The following TEKT5 variants were observed in gnomAD, a reference collection of about 807,000 sequenced individuals.
The protein encoded by TEKT5 is tektin-5.
A neutral mutation model predicts 48.7 loss-of-function variants in TEKT5; 52 were observed. The observed-to-expected ratio is 1.07, with a 90% CI of 0.86 to 1.35. TEKT5 has a LOEUF of 1.35. Among genes scored for constraint, TEKT5 ranks in the 40% most tolerant of loss-of-function variants. TEKT5 has a pLI of 0.00. For synonymous variants in TEKT5, 318 were observed against 267.6 expected (o/e 1.19, Z -1.84); for missense variants, 831 against 641.6 (o/e 1.30, Z -3.19).
intron 5 of TEKT5, chr16:10,671,606 GC>G (rs1898549761): frequency 6.6e-6 from 1 of 152,186 alleles, no homozygotes; most frequent in Non-Finnish European, 1.5e-5. Context: ...AAGACAGAAA[GC>G]AGAATGGTAG....
chr16:10,638,334 T>G (rs1897944906), intron 5 of TEKT5, among the ~76,000 whole-genome samples: 1 of 152,194 alleles, frequency 6.6e-6, no homozygotes, highest in South Asian at 2.1e-4. Flanking sequence ...TCTACCCTAT[T>G]GTCACCCAGT....
intron 5 of TEKT5, among the ~76,000 whole-genome samples, chr16:10,645,139 T>C (rs1898051345): frequency 6.6e-6 from 1 of 152,100 alleles, no homozygotes; most frequent in Non-Finnish European, 1.5e-5. Flanking sequence ...TAGCCTATGG[T>C]GGTACTTGGT....
At chr16:10,655,082 AAG>A (rs1186449039) in intron 5 of TEKT5, among the ~76,000 whole-genome samples, 2 of 151,990 alleles carry the variant, frequency 1.3e-5, no homozygotes, top group Non-Finnish European at 2.9e-5. Flanking sequence ...GTAAGGCAGG[AAG>A]AGAGACTTAT....
chr16:10,642,130 CAT>C (rs1237516466), intron 5 of TEKT5, among the ~76,000 whole-genome samples: 2 of 152,218 alleles, frequency 1.3e-5, no homozygotes, highest in African/African-American at 2.4e-5. Flanking sequence ...GTACATGACA[CAT>C]GTCTTATCTT....
At chr16:10,657,720 G>T (rs940149183) in intron 5 of TEKT5, among the ~76,000 whole-genome samples, 1 of 150,794 alleles carries the variant, frequency 6.6e-6, no homozygotes, top group African/African-American at 2.4e-5. Flanking sequence ...CTCCTGAGTA[G>T]CTGGGACTAC....
At chr16:10,638,394 G>A (rs376279168) in intron 5 of TEKT5, among the ~76,000 whole-genome samples, 7 of 150,890 alleles carry the variant, frequency 4.6e-5, no homozygotes, top group South Asian at 2.1e-4. Context: ...CCTCTTCTGC[G>A]ACAAGGCCCT....
chr16:10,651,702 G>A (rs886300100), intron 5 of TEKT5, among the ~76,000 whole-genome samples: 11 of 152,192 alleles, frequency 7.2e-5, no homozygotes, highest in Admixed American at 2.0e-4. Flanking sequence ...GCTCTCACCT[G>A]TAATCCCAGC....
At chr16:10,656,613 C>T (rs930479686) in intron 5 of TEKT5, among the ~76,000 whole-genome samples, 3 of 152,052 alleles carry the variant, frequency 2.0e-5, no homozygotes, top group African/African-American at 7.2e-5. Context: ...AGAAGTGAAC[C>T]CCTAGAAATG....
intron 3 of TEKT5, 54 bp downstream of exon 3, chr16:10,689,199 G>T: frequency 6.8e-7 from 1 of 1,462,930 alleles, no homozygotes; most frequent in African/African-American, 1.5e-5. Flanking sequence ...AGAAATCTGA[G>T]AGTCCTAAAA....
Position 10,653,065 on chromosome 16 carries a change from C to T in TEKT5, c.1087-17147G>A, listed in dbSNP as rs147357422. The stretch of plus-strand genomic sequence containing the variant: ...GAGTCCCCACTGCAGGTCCCCTCCC[C>T]AGGGATGTTAACCTTCCTGTTCCCA... On this transcript the variant is annotated intron_variant, in intron 5 of 6. Coordinates refer to ENST00000283025, the MANE Select transcript of TEKT5 (RefSeq NM_144674.2). 2.6e-3 allele frequency among the ~76,000 whole-genome samples: 399 copies of T among 152,344 alleles called. 1 individual carries two copies. Among genetic ancestry groups the T allele is most frequent in the South Asian group, 0.015 (70 of 4,824 alleles).
intron 5 of TEKT5, among the ~76,000 whole-genome samples, chr16:10,673,765 C>T (rs1392495170): frequency 1.3e-5 from 2 of 151,344 alleles, no homozygotes; most frequent in South Asian, 2.1e-4. Flanking sequence ...ATTCTCCCGC[C>T]TCAGCCTCCC....
At chr16:10,686,564 C>T (rs1898865322) in intron 3 of TEKT5, among the ~76,000 whole-genome samples, 1 of 152,014 alleles carries the variant, frequency 6.6e-6, no homozygotes, top group Non-Finnish European at 1.5e-5. Context: ...TGGACAACGA[C>T]CCCAATAGCA....
chr16:10,642,624 C>T (rs1445181817), intron 5 of TEKT5, among the ~76,000 whole-genome samples: 1 of 152,120 alleles, frequency 6.6e-6, no homozygotes, highest in African/African-American at 2.4e-5. Context: ...ATCTGTTGCC[C>T]TTAGTCTGGC....
At chr16:10,687,407 C>A (rs539640802) in intron 3 of TEKT5, among the ~76,000 whole-genome samples, 1 of 152,162 alleles carries the variant, frequency 6.6e-6, no homozygotes, top group African/African-American at 2.4e-5. Context: ...AACAAAGACA[C>A]TGGCCTGTCC....
In TEKT5 at chr16:10,678,436, G is replaced by A. The variant is rs1430334255; in HGVS notation, c.864-2255C>T. Among the ~76,000 whole-genome samples, 2 of 152,176 alleles carry A rather than the reference G, an allele frequency of 1.3e-5. 1 individual carries two copies. Among genetic ancestry groups the A allele is most frequent in the Non-Finnish European group, 2.9e-5 (2 of 68,040 alleles). On this transcript the variant is annotated intron_variant, in intron 4 of 6. Transcript: ENST00000283025. ...TTAAAGCACACTTAGGTTGCATGGT[G>A]CATAGAAAGTTTTAAAAATCATATA...
intron 3 of TEKT5, among the ~76,000 whole-genome samples, chr16:10,683,804 G>A (rs1439398697): frequency 1.3e-5 from 2 of 152,184 alleles, no homozygotes; most frequent in African/African-American, 4.8e-5. Flanking sequence ...TGTTAGCCAG[G>A]CTGGTCTTGA....
chr16:10,637,281 C>G (rs1323349026), intron 5 of TEKT5, among the ~76,000 whole-genome samples: 4 of 151,594 alleles, frequency 2.6e-5, no homozygotes, highest in Non-Finnish European at 4.4e-5. Context: ...AGGGATCCAC[C>G]TGCCTCGGCC....
intron 4 of TEKT5, among the ~76,000 whole-genome samples, chr16:10,681,370 A>ACTCTCTCTCTCT (rs1458051750): frequency 1.9e-4 from 28 of 147,950 alleles, no homozygotes; most frequent in African/African-American, 6.8e-4. Flanking sequence ...TCCAGATTCC[A>ACTCTCTCTCTCT]CTCTCTGTCT....
At chr16:10,689,492 C>A (rs1040915298) in intron 2 of TEKT5, among the ~76,000 whole-genome samples, 169 bp from the exon 3 acceptor site, 1 of 148,522 alleles carries the variant, frequency 6.7e-6, no homozygotes, top group African/African-American at 2.5e-5. Flanking sequence ...CAGGGCCAGG[C>A]AGCTAAGGGT....
Sources: gnomAD v4.1 joint callset for allele counts (sites outside exome capture counted in the v4.1 genomes callset) on GRCh38, gnomAD v4.1.1 for gene constraint, MANE v1.5 for transcripts, NCBI Gene and HGNC (gene_info 2026-07-23, HGNC 2026-07-21) for gene names.